The following FSTL4 variants were observed in gnomAD, a reference collection of about 807,000 sequenced individuals.
The protein encoded by FSTL4 is follistatin-related protein 4.
Under a neutral mutation model 78.2 loss-of-function variants are expected in FSTL4, and 28 were observed. That is an observed-to-expected ratio of 0.36 (90% CI 0.27 to 0.49). The LOEUF (loss-of-function observed/expected upper bound fraction) is 0.49. FSTL4 is among the 20% of genes least tolerant of loss of function. FSTL4 has a pLI of 0.98. For synonymous variants in FSTL4, 422 were observed against 440.5 expected (o/e 0.96, Z 0.53); for missense variants, 922 against 1,084.9 (o/e 0.85, Z 2.11).
chr5:133,725,380 T>C, the FSTL4 span, among the ~76,000 whole-genome samples: 1 of 152,218 alleles, frequency 6.6e-6, no homozygotes, highest in Non-Finnish European at 1.5e-5. Context: ...AAATGGCCTA[T>C]TACCAGGATG....
the FSTL4 span, among the ~76,000 whole-genome samples, chr5:133,754,231 G>T: frequency 6.6e-6 from 1 of 152,084 alleles, no homozygotes; most frequent in African/African-American, 2.4e-5. Flanking sequence ...AGTTAGTGAA[G>T]AAAATAAATA....
intron 14 of FSTL4, among the ~76,000 whole-genome samples, chr5:133,206,526 T>C (rs1010272449): frequency 2.6e-5 from 4 of 152,134 alleles, no homozygotes; most frequent in Non-Finnish European, 4.4e-5. Context: ...CACACCCAGC[T>C]AATTTTTGTA....
chr5:133,451,902 T>C (rs1016647546), intron 3 of FSTL4, among the ~76,000 whole-genome samples: 4 of 152,256 alleles, frequency 2.6e-5, no homozygotes, highest in Admixed American at 6.5e-5. Flanking sequence ...GCATGAGCTA[T>C]AGGCACCAAG....
chr5:133,724,676 T>G, the FSTL4 span, among the ~76,000 whole-genome samples: 1 of 152,226 alleles, frequency 6.6e-6, no homozygotes, highest in Non-Finnish European at 1.5e-5. Flanking sequence ...TGCGGCTTGT[T>G]CATTTCCTTA....
At position 133,421,164 on chromosome 5, in the gene FSTL4, ACAC is replaced by A. The variant is rs1320344761; in HGVS notation, c.161-20181_161-20179del. 5.3e-5 allele frequency among the ~76,000 whole-genome samples: 8 copies of A among 152,334 alleles called. No individual in the cohort carries two copies. In the East Asian group the frequency reaches 1.5e-3, roughly 29 times the overall value. On this transcript the variant is annotated intron_variant, in intron 3 of 15. Coordinates refer to ENST00000265342, the MANE Select transcript of FSTL4 (RefSeq NM_015082.2). The stretch of plus-strand genomic sequence containing the variant: ...TATGGGTGAGGCAATGGTTGGGCCC[ACAC>A]CACCAGGCATCTCAGGGCGGGGCAA...
intron 7 of FSTL4, among the ~76,000 whole-genome samples, chr5:133,246,017 T>C (rs1414837241): frequency 6.6e-6 from 1 of 151,828 alleles, no homozygotes; most frequent in Non-Finnish European, 1.5e-5. Context: ...ATTAAGAGAG[T>C]AGTGAAAAAG....
chr5:133,668,055 T>G, the FSTL4 span, among the ~76,000 whole-genome samples: 83 of 152,338 alleles, frequency 5.4e-4, 1 homozygote, highest in African/African-American at 2.0e-3. Context: ...CCCAGGAAGC[T>G]CTTGTGACAG....
rs144299239 is a variant in FSTL4 at position 133,467,502 on chromosome 5, G to A, written c.161-66516C>T. Among the ~76,000 whole-genome samples, 701 of 152,286 alleles carry A rather than the reference G, an allele frequency of 4.6e-3. 3 individuals are homozygous for A. Among genetic ancestry groups the A allele is most frequent in the Middle Eastern group, 0.027 (8 of 294 alleles). On this transcript the variant is annotated intron_variant, in intron 3 of 15. Transcript: ENST00000265342. ...ATTATGATCTGATTGTGTTACTTGT[G>A]TCTTGGGCCGCCCCTACTGCGACTG...
intron 3 of FSTL4, among the ~76,000 whole-genome samples, chr5:133,459,781 G>A (rs950828837): frequency 3.3e-5 from 5 of 152,114 alleles, no homozygotes; most frequent in South Asian, 2.1e-4. Flanking sequence ...ATGCTGTGGC[G>A]CTGAGTTTTG....
At chr5:133,333,558 C>T (rs1021279581) in intron 4 of FSTL4, among the ~76,000 whole-genome samples, 1 of 152,194 alleles carries the variant, frequency 6.6e-6, no homozygotes, top group African/African-American at 2.4e-5. Context: ...TTTTACTGCC[C>T]ACAGCTGTGG....
intron 2 of FSTL4, among the ~76,000 whole-genome samples, chr5:133,595,816 C>A (rs1760726021): frequency 6.6e-6 from 1 of 152,224 alleles, no homozygotes; most frequent in Non-Finnish European, 1.5e-5. Context: ...TCACTCGTGG[C>A]AAACCTAAAG....
intron 4 of FSTL4, among the ~76,000 whole-genome samples, chr5:133,391,094 A>G (rs1420026742): frequency 6.6e-6 from 1 of 152,148 alleles, no homozygotes; most frequent in East Asian, 1.9e-4. Flanking sequence ...GGCATAAAAC[A>G]CTTTGAGGCA....
chr5:133,779,793 A>T, the FSTL4 span, among the ~76,000 whole-genome samples: 1 of 152,068 alleles, frequency 6.6e-6, no homozygotes, highest in Non-Finnish European at 1.5e-5. Context: ...CTCACTGTTC[A>T]TGTGACAGAC....
chr5:133,568,820 GA>G (rs531572309), intron 2 of FSTL4, among the ~76,000 whole-genome samples: 4 of 152,058 alleles, frequency 2.6e-5, no homozygotes, highest in Non-Finnish European at 4.4e-5. Context: ...ATCAGCTCCA[GA>G]AAAAAACTAT....
chr5:133,366,568 GT>G (rs1451757902), intron 4 of FSTL4, among the ~76,000 whole-genome samples: 18 of 151,856 alleles, frequency 1.2e-4, no homozygotes, highest in Non-Finnish European at 2.5e-4. Context: ...CTCCTCTCTG[GT>G]CACTGAAAAC....
intron 3 of FSTL4, among the ~76,000 whole-genome samples, chr5:133,487,264 C>T (rs1412264191): frequency 6.6e-6 from 1 of 152,192 alleles, no homozygotes; most frequent in Non-Finnish European, 1.5e-5. Context: ...CGTGGCTCTG[C>T]ACTCCTCCCA....
chr5:133,647,092 G>A, the FSTL4 span, among the ~76,000 whole-genome samples: 2 of 152,068 alleles, frequency 1.3e-5, no homozygotes, highest in East Asian at 1.9e-4. Context: ...CATGAAGAGC[G>A]GCCCAATGTA....
At chr5:133,692,729 G>C in the FSTL4 span, among the ~76,000 whole-genome samples, 30 of 152,180 alleles carry the variant, frequency 2.0e-4, no homozygotes, top group Non-Finnish European at 4.0e-4. Context: ...GCAGAGAACA[G>C]GTCAGACTCC....
In FSTL4 at chr5:133,199,442, G is replaced by A; in HGVS notation, c.2182C>T (p.Leu728=). 1 of 1,614,196 alleles carries A rather than the reference G, an allele frequency of 6.2e-7. No individual in the cohort carries two copies. Among genetic ancestry groups the A allele is most frequent in the Non-Finnish European group, 8.5e-7 (1 of 1,180,014 alleles). ...TCTGAGATGCCCGAGTTTATTTGCA[G>A]GTCATACAGGGTCTGGATCTCGCCC... ...VRGEIQTLYD[L]QINSGISDLA... is the part of the protein sequence containing the mutation. The change falls in exon 16 of 16, where the codon CTG becomes TTG. Residue 728 remains leucine (L), a synonymous_variant. Coordinates refer to ENST00000265342, the MANE Select transcript of FSTL4 (RefSeq NM_015082.2). This position sits in a 1 kb window ranked among gnomAD's most constrained non-coding sequence, Gnocchi z 4.4.
Sources: allele counts gnomAD v4.1 joint callset (sites outside exome capture counted in the v4.1 genomes callset), GRCh38; gene constraint gnomAD v4.1.1; non-coding constraint Gnocchi (gnomAD v3.1); transcripts MANE v1.5; gene names NCBI Gene and HGNC (gene_info 2026-07-23, HGNC 2026-07-21).